COG5: variants seen among roughly 807,000 people sequenced by gnomAD.
The protein encoded by COG5 is component of oligomeric golgi complex 5.
COG5 carries 86 observed loss-of-function variants against 110.4 expected under a neutral mutation model. The observed-to-expected ratio is 0.78, with a 90% CI of 0.65 to 0.93. The LOEUF is 0.93. Ranked by LOEUF, COG5 falls within the 40% of genes least tolerant of loss-of-function variation. The probability of loss-of-function intolerance (pLI) is 0.00; values close to 1 mark genes in which losing one functional copy is unlikely to be tolerated. For missense variants in COG5, 1,077 were observed against 987.0 expected, an observed-to-expected ratio of 1.09 and a Z score of -1.22; for synonymous variants, 360 against 334.6, an observed-to-expected ratio of 1.08 and a Z score of -0.83.
At chr7:107,417,496 T>G (rs1304783018) in intron 6 of COG5, among the ~76,000 whole-genome samples, 1 of 152,170 alleles carries the variant, frequency 6.6e-6, no homozygotes, top group Non-Finnish European at 1.5e-5. Context: ...ATATTTGTTA[T>G]CATAAATGAC....
intron 5 of COG5, 49 bp from the exon 6 acceptor site, chr7:107,527,406 A>G (rs374535245): frequency 5.0e-5 from 80 of 1,600,162 alleles, no homozygotes; most frequent in Non-Finnish European, 6.1e-5. Context: ...AAGTTTTATT[A>G]CTATTAATAA....
intron 14 of COG5, among the ~76,000 whole-genome samples, chr7:107,266,763 A>C (rs1043743828): frequency 2.0e-5 from 3 of 152,140 alleles, no homozygotes; most frequent in Non-Finnish European, 4.4e-5. Flanking sequence ...AGACTTTCCT[A>C]TGAGTTATGT....
intron 10 of COG5, among the ~76,000 whole-genome samples, chr7:107,341,221 A>C (rs1811144414): frequency 6.6e-6 from 1 of 152,190 alleles, no homozygotes; most frequent in African/African-American, 2.4e-5. Context: ...TAGCATTTCT[A>C]TACGACAATA....
At chr7:107,337,554 C>T (rs187900729) in intron 10 of COG5, among the ~76,000 whole-genome samples, 1 of 151,914 alleles carries the variant, frequency 6.6e-6, no homozygotes, top group Admixed American at 6.6e-5. Context: ...AAAGATTGCA[C>T]ATTTTTACTC....
At chr7:107,221,517 C>A (rs1180594123) in intron 19 of COG5, among the ~76,000 whole-genome samples, 2 of 152,074 alleles carry the variant, frequency 1.3e-5, no homozygotes, top group African/African-American at 4.8e-5. Flanking sequence ...GTAATCCCAG[C>A]ACTTTGGGAG....
chr7:107,521,725 C>T (rs1196875313), intron 6 of COG5, among the ~76,000 whole-genome samples: 1 of 152,150 alleles, frequency 6.6e-6, no homozygotes, highest in Non-Finnish European at 1.5e-5. Flanking sequence ...GAAAGTGTGG[C>T]GATTCCTCAA....
intron 12 of COG5, among the ~76,000 whole-genome samples, chr7:107,291,265 T>C (rs548113568): frequency 1.3e-5 from 2 of 152,334 alleles, no homozygotes; most frequent in East Asian, 3.9e-4. Context: ...TTTCTGTTTT[T>C]TTGACTTGTG....
At chr7:107,512,837 T>C (rs1019340300) in intron 6 of COG5, among the ~76,000 whole-genome samples, 2 of 151,218 alleles carry the variant, frequency 1.3e-5, no homozygotes, top group Admixed American at 6.6e-5. Flanking sequence ...GAAAACTGGC[T>C]AGCCATATGT....
chr7:107,333,200 T>C (rs1055247779), intron 10 of COG5, among the ~76,000 whole-genome samples: 2 of 152,178 alleles, frequency 1.3e-5, no homozygotes, highest in African/African-American at 2.4e-5. Context: ...AATTTTAAAT[T>C]AGTTCTTAAT....
intron 7 of COG5, among the ~76,000 whole-genome samples, chr7:107,394,472 T>C (rs773325575): frequency 3.3e-5 from 5 of 152,134 alleles, no homozygotes; most frequent in South Asian, 4.2e-4. Context: ...TCCACAAAAA[T>C]AGAAAAGAAG....
chr7:107,453,599 A>G (rs2129095521), intron 6 of COG5, among the ~76,000 whole-genome samples: 1 of 152,304 alleles, frequency 6.6e-6, no homozygotes, highest in Middle Eastern at 3.4e-3. Flanking sequence ...CTCAGATTAC[A>G]TCAGTCAAAT....
intron 17 of COG5, among the ~76,000 whole-genome samples, chr7:107,243,734 C>CAT (rs34568875): frequency 0.17 from 25,235 of 152,012 alleles, 2,384 homozygotes; most frequent in Non-Finnish European, 0.22. Flanking sequence ...CTCATCACCA[C>CAT]GTCACATACA....
At chr7:107,328,940 C>G (rs1162959252) in intron 10 of COG5, among the ~76,000 whole-genome samples, 1 of 152,164 alleles carries the variant, frequency 6.6e-6, no homozygotes, top group African/African-American at 2.4e-5. Context: ...CCTGCCTCAG[C>G]TTCCTGAGTA....
At chr7:107,384,217 C>T (rs562143543) in intron 7 of COG5, among the ~76,000 whole-genome samples, 1 of 152,220 alleles carries the variant, frequency 6.6e-6, no homozygotes, top group Admixed American at 6.5e-5. Context: ...ACTGCCATTT[C>T]CCCCAAAATA....
chr7:107,316,657 C>CAAAAAAAAA (rs760555445), intron 11 of COG5, among the ~76,000 whole-genome samples: 457 of 75,332 alleles, frequency 6.1e-3, no homozygotes, highest in Middle Eastern at 8.5e-3. Flanking sequence ...ACTAAAAATA[C>CAAAAAAAAA]AAAAAAAAAA....
intron 7 of COG5, among the ~76,000 whole-genome samples, chr7:107,397,714 A>C (rs1198077937): frequency 6.6e-6 from 1 of 152,204 alleles, no homozygotes; most frequent in Non-Finnish European, 1.5e-5. Context: ...ACAGTTGATG[A>C]GTTAAAGTTC....
chr7:107,392,146 A>G (rs1166160870), intron 7 of COG5, among the ~76,000 whole-genome samples: 4 of 152,138 alleles, frequency 2.6e-5, no homozygotes, highest in African/African-American at 7.2e-5. Context: ...ACTTTCCTCC[A>G]GAGGTTTACC....
rs528333756 is a variant in COG5, at chr7:107,420,462, ATTTG to A, written c.539-7834_539-7831del. On this transcript the variant is annotated intron_variant, in intron 6 of 21. Coordinates refer to ENST00000297135, the MANE Select transcript of COG5 (RefSeq NM_006348.5). ...TTACAGAAAACAAACACAGGTTAAAATTTGTTTGTTTGTTTTGAGACGGAGTCTT... is the reference window on the plus strand; with the variant it reads ...TTACAGAAAACAAACACAGGTTAAAATTTGTTTGTTTTGAGACGGAGTCTT... Among the ~76,000 whole-genome samples, 59 of 152,232 alleles carry A rather than the reference ATTTG, an allele frequency of 3.9e-4. 1 individual carries two copies. In the South Asian group the frequency reaches 0.011, roughly 29 times the overall value.
At chr7:107,412,708 TTC>T in intron 6 of COG5, 76 bp from the exon 7 acceptor site, 2 of 887,584 alleles carry the variant, frequency 2.3e-6, no homozygotes. Context: ...TATGTATAAC[TTC>T]TCAAAAAAAA....
Sources: gnomAD v4.1 joint callset for allele counts (sites outside exome capture counted in the v4.1 genomes callset) on GRCh38, gnomAD v4.1.1 for gene constraint, MANE v1.5 for transcripts, NCBI Gene and HGNC (gene_info 2026-07-23, HGNC 2026-07-21) for gene names.